Variants in EPG5 observed in about 807,000 individuals in gnomAD.
EPG5 encodes ectopic P granules protein 5 homolog.
Under a neutral mutation model 302.7 loss-of-function variants are expected in EPG5, and 159 were observed. That is an observed-to-expected ratio of 0.53 (90% CI 0.46 to 0.60). EPG5 has a LOEUF of 0.60. Among genes scored for constraint, EPG5 ranks in the 20% least tolerant of loss-of-function variants. EPG5 has a pLI of 0.00. For missense variants in EPG5, 2,896 were observed against 3,092.4 expected (o/e 0.94, Z 1.51); for synonymous variants, 1,158 against 1,136.8 (o/e 1.02, Z -0.37).
At chr18:45,820,072 C>G in the EPG5 span, among the ~76,000 whole-genome samples, 26 of 152,276 alleles carry the variant, frequency 1.7e-4, no homozygotes, top group Middle Eastern at 3.4e-3. Context: ...AAACTGTGCT[C>G]TTGCCAGGAC....
At chr18:45,834,536 A>G in the EPG5 span, among the ~76,000 whole-genome samples, 2 of 152,344 alleles carry the variant, frequency 1.3e-5, no homozygotes, top group South Asian at 4.1e-4. Flanking sequence ...GGAGCTGGTG[A>G]GTGACATGGC....
chr18:45,824,229 C>T, the EPG5 span, among the ~76,000 whole-genome samples: 12 of 152,184 alleles, frequency 7.9e-5, no homozygotes, highest in Middle Eastern at 3.4e-3. Flanking sequence ...TTTTTTGAGA[C>T]GGAGTCTCGC....
intron 27 of EPG5, among the ~76,000 whole-genome samples, chr18:45,896,857 T>C (rs1169026801): frequency 6.6e-6 from 1 of 152,176 alleles, no homozygotes; most frequent in Non-Finnish European, 1.5e-5. Flanking sequence ...CAACTTTTCT[T>C]TAAAGAAAAG....
In EPG5 at chr18:45,899,536, A is replaced by T. The variant is rs756211681; in HGVS notation, c.4677T>A (p.Val1559=). 1.2e-5 allele frequency: 19 copies of T among 1,614,064 alleles called. No homozygotes were observed. In the East Asian group the frequency reaches 4.2e-4, roughly 36 times the overall value. Residue 1559 remains valine, a synonymous_variant, in exon 27 of 44, where the codon GTT becomes GTA. Coordinates refer to ENST00000282041, the MANE Select transcript of EPG5 (RefSeq NM_020964.3). ...RTAALRESQQ[V]ALDGELLDTM... is the part of the protein sequence containing the mutation. ...TGTCTAACAGCTCACCATCCAGAGC[A>T]ACCTGCTGAGATTCCCGAAGAGCTG...
chr18:45,964,629 G>C (rs2051210575), intron 1 of EPG5, among the ~76,000 whole-genome samples: 1 of 152,040 alleles, frequency 6.6e-6, no homozygotes, highest in African/African-American at 2.4e-5. Context: ...CCTGGGCCTG[G>C]ATAGTTCTTT....
Position 45,953,371 on chromosome 18 carries a change from C to G in EPG5, c.1009-728G>C, listed in dbSNP as rs533413498. 86 of 985,040 alleles carry G rather than the reference C, an allele frequency of 8.7e-5. 1 individual carries two copies. The South Asian group carries it at 3.5e-3, about 40-fold the overall frequency. The allele number at this position is 985,040 out of a possible 1,614,324, so 61.0% of individuals were successfully genotyped here. ...AGTTCTACTCAAGAGAATACACACT[C>G]CACCAGCTGTGTTCTTGATTCTATC... On this transcript the variant is annotated intron_variant, in intron 2 of 43. Transcript: ENST00000282041.
the EPG5 span, among the ~76,000 whole-genome samples, chr18:45,827,355 C>T: frequency 1.8e-4 from 27 of 152,140 alleles, no homozygotes; most frequent in African/African-American, 5.6e-4. Flanking sequence ...CCCCCCACTA[C>T]CCCACCCCAC....
intron 13 of EPG5, among the ~76,000 whole-genome samples, chr18:45,927,345 G>A (rs1354409707): frequency 6.6e-6 from 1 of 152,108 alleles, no homozygotes; most frequent in East Asian, 1.9e-4. Flanking sequence ...AGCCAACACT[G>A]TTTTTCTTAA....
At chr18:45,937,792 T>C (rs1014382267) in intron 10 of EPG5, among the ~76,000 whole-genome samples, 3 of 152,194 alleles carry the variant, frequency 2.0e-5, no homozygotes, top group African/African-American at 7.2e-5. Context: ...AAATTTCCAT[T>C]TGAGTGCCGA....
At chr18:45,857,710 TTTTC>T in intron 42 of EPG5, 139 bp downstream of exon 42, 1 of 635,550 alleles carries the variant, frequency 1.6e-6, no homozygotes, top group Non-Finnish European at 2.7e-6. Flanking sequence ...TCTGTTTTTT[TTTTC>T]TTTTTTTTTT....
intron 11 of EPG5, among the ~76,000 whole-genome samples, chr18:45,931,042 A>G (rs1310438778): frequency 6.6e-6 from 1 of 152,254 alleles, no homozygotes; most frequent in Non-Finnish European, 1.5e-5. Flanking sequence ...CTCACAGAAA[A>G]CATTTAACAT....
chr18:45,836,838 A>G, the EPG5 span, among the ~76,000 whole-genome samples: 2 of 152,178 alleles, frequency 1.3e-5, no homozygotes, highest in African/African-American at 4.8e-5. Context: ...CCTCTCTGTA[A>G]GTGGAAGTGC....
At chr18:45,949,340 T>A (rs2050853300) in intron 5 of EPG5, 144 bp downstream of exon 5, 1 of 523,462 alleles carries the variant, frequency 1.9e-6, no homozygotes, top group Admixed American at 3.4e-5. Context: ...CTTTTATAAA[T>A]GTATACTGGA....
intron 11 of EPG5, among the ~76,000 whole-genome samples, chr18:45,931,613 T>A (rs1446417319): frequency 6.6e-6 from 1 of 152,124 alleles, no homozygotes; most frequent in Non-Finnish European, 1.5e-5. Flanking sequence ...GATGGGCAGA[T>A]CACTTGAAGT....
chr18:45,873,528 G>T (rs955092697), intron 35 of EPG5, among the ~76,000 whole-genome samples: 6 of 151,156 alleles, frequency 4.0e-5, no homozygotes, highest in Non-Finnish European at 7.4e-5. Flanking sequence ...AAAAAAAAAA[G>T]AAATTAAATA....
At position 45,914,430 on chromosome 18, in the gene EPG5, A is replaced by T. The variant is rs937565561; in HGVS notation, c.3694-602T>A. Among the ~76,000 whole-genome samples, 3 of 152,380 alleles carry T rather than the reference A, an allele frequency of 2.0e-5. No individual in the cohort carries two copies. In the East Asian group the frequency reaches 5.8e-4, roughly 29 times the overall value. On this transcript the variant is annotated intron_variant, in intron 20 of 43. Transcript: ENST00000282041. ...TAAGACAAATAAGAGGTTGAAGAAC[A>T]TTACTACTGATTTAAGAGATGAAAC...
At chr18:45,842,049 G>T in the EPG5 span, 10 of 1,524,084 alleles carry the variant, frequency 6.6e-6, no homozygotes, top group African/African-American at 1.4e-5. Flanking sequence ...ATATAGTTTG[G>T]GCAGTTGTGG....
chr18:45,884,284 G>T (rs1196540538), intron 30 of EPG5, among the ~76,000 whole-genome samples: 2 of 152,158 alleles, frequency 1.3e-5, no homozygotes, highest in African/African-American at 4.8e-5. Context: ...TAGGTTGCAT[G>T]CTCCATCTAA....
At chr18:45,907,525 A>G (rs2049783205) in intron 24 of EPG5, among the ~76,000 whole-genome samples, 1 of 152,160 alleles carries the variant, frequency 6.6e-6, no homozygotes, top group Non-Finnish European at 1.5e-5. Flanking sequence ...CTCCAAGCCA[A>G]ACAAAGGTGA....
Sources: gnomAD v4.1 joint callset for allele counts (sites outside exome capture counted in the v4.1 genomes callset) on GRCh38, gnomAD v4.1.1 for gene constraint, MANE v1.5 for transcripts, NCBI Gene and HGNC (gene_info 2026-07-23, HGNC 2026-07-21) for gene names.